CDH13: variants seen among roughly 807,000 people sequenced by gnomAD.
The protein encoded by CDH13 is cadherin-13.
In CDH13, 24 loss-of-function variants were observed where a neutral mutation model predicts 63.8. That is an observed-to-expected ratio of 0.38 (90% CI 0.27 to 0.53). The LOEUF (loss-of-function observed/expected upper bound fraction) is 0.53. Ranked by LOEUF, CDH13 falls within the 20% of genes least tolerant of loss-of-function variation. The pLI is 0.85. For missense variants in CDH13, 1,049 were observed against 903.1 expected (o/e 1.16, Z -2.07); for synonymous variants, 503 against 355.3 (o/e 1.42, Z -4.67).
intron 7 of CDH13, among the ~76,000 whole-genome samples, chr16:83,555,938 A>G (rs2075591641): frequency 2.0e-5 from 3 of 152,228 alleles, no homozygotes; most frequent in South Asian, 4.1e-4. Context: ...GTTTTGGAAT[A>G]ATGGGCTCAT....
intron 3 of CDH13, among the ~76,000 whole-genome samples, chr16:83,074,640 C>A (rs1047375959): frequency 6.6e-6 from 1 of 152,184 alleles, no homozygotes; most frequent in Non-Finnish European, 1.5e-5. Context: ...TTCCTTTTCT[C>A]CACATCCTTG....
At chr16:82,970,315 A>T (rs1328719372) in intron 2 of CDH13, among the ~76,000 whole-genome samples, 1 of 136,918 alleles carries the variant, frequency 7.3e-6, no homozygotes, top group African/African-American at 2.8e-5. Flanking sequence ...CATTTTCTTT[A>T]TCCAGTCTAT....
At chr16:83,075,945 AG>A (rs2032803595) in intron 3 of CDH13, among the ~76,000 whole-genome samples, 1 of 152,222 alleles carries the variant, frequency 6.6e-6, no homozygotes, top group Non-Finnish European at 1.5e-5. Context: ...TTTAAGTGGC[AG>A]GATCAGCTTC....
intron 2 of CDH13, among the ~76,000 whole-genome samples, chr16:82,963,473 G>A (rs992512990): frequency 1.3e-5 from 2 of 152,040 alleles, no homozygotes; most frequent in African/African-American, 2.4e-5. Flanking sequence ...TACGTCCTAT[G>A]GTTTCACCGT....
intron 1 of CDH13, among the ~76,000 whole-genome samples, chr16:82,670,571 T>C (rs533517499): frequency 6.6e-6 from 1 of 152,260 alleles, no homozygotes; most frequent in South Asian, 2.1e-4. Flanking sequence ...CTGAGGACTA[T>C]TGGGTAGAAG....
At chr16:83,675,037 T>G (rs1274054592) in intron 9 of CDH13, among the ~76,000 whole-genome samples, 1 of 152,172 alleles carries the variant, frequency 6.6e-6, no homozygotes. Flanking sequence ...AGGCTTTAAA[T>G]TTCCCAGGGC....
intron 2 of CDH13, among the ~76,000 whole-genome samples, chr16:82,883,440 A>G (rs908543554): frequency 2.6e-5 from 4 of 152,186 alleles, no homozygotes; most frequent in African/African-American, 9.7e-5. Flanking sequence ...CCCTTTGCCT[A>G]GTGGTTCACA....
intron 4 of CDH13, among the ~76,000 whole-genome samples, chr16:83,184,768 T>C (rs1170769440): frequency 6.6e-6 from 1 of 151,930 alleles, no homozygotes; most frequent in Non-Finnish European, 1.5e-5. Context: ...AAAGCAAAGA[T>C]GTGAGTCCAG....
chr16:82,774,721 A>G (rs2035417288), intron 1 of CDH13, among the ~76,000 whole-genome samples: 1 of 152,144 alleles, frequency 6.6e-6, no homozygotes, highest in Non-Finnish European at 1.5e-5. Context: ...ATCCACCAGG[A>G]TAGGTGAGGC....
intron 2 of CDH13, among the ~76,000 whole-genome samples, chr16:82,985,276 T>G (rs1241196689): frequency 6.6e-6 from 1 of 151,842 alleles, no homozygotes; most frequent in Non-Finnish European, 1.5e-5. Context: ...GGAGGGGGAG[T>G]TGAAAGGCAT....
chr16:83,299,270 C>T (rs945876997), intron 5 of CDH13, among the ~76,000 whole-genome samples: 1 of 143,186 alleles, frequency 7.0e-6, no homozygotes, highest in Non-Finnish European at 1.5e-5. Context: ...TGGATGCTTG[C>T]TTGGATTGTT....
chr16:83,547,538 C>T (rs1292133815), intron 7 of CDH13, among the ~76,000 whole-genome samples: 4 of 152,068 alleles, frequency 2.6e-5, no homozygotes, highest in African/African-American at 7.2e-5. Context: ...CACTTATAAG[C>T]GAGTACATGC....
chr16:83,542,502 T>G (rs1424898034), intron 7 of CDH13, among the ~76,000 whole-genome samples: 1 of 152,224 alleles, frequency 6.6e-6, no homozygotes, highest in African/African-American at 2.4e-5. Flanking sequence ...TGCATTCGTT[T>G]GCAACGGCTG....
At chr16:82,673,612 C>A (rs1913552720) in intron 1 of CDH13, among the ~76,000 whole-genome samples, 5 of 152,166 alleles carry the variant, frequency 3.3e-5, no homozygotes, top group Admixed American at 3.3e-4. Flanking sequence ...TGCAACAGCA[C>A]AACAAAAAGG....
intron 1 of CDH13, among the ~76,000 whole-genome samples, chr16:82,735,326 A>G (rs1224244290): frequency 2.0e-5 from 3 of 152,230 alleles, no homozygotes; most frequent in Admixed American, 2.0e-4. Context: ...TGACAGGAAT[A>G]GAAGCTGTCA....
Position 83,550,048 on chromosome 16 carries a change from T to C in CDH13, c.961-52406T>C, listed in dbSNP as rs570647313. 9.5e-4 allele frequency among the ~76,000 whole-genome samples: 144 copies of C among 152,322 alleles called. 2 individuals are homozygous for C. The highest frequency in any genetic ancestry group is 3.2e-3 in the African/African-American group (131 of 41,574). ...ACTAATTAGCAGCAGCTGCTCAAAA[T>C]TGGGGATGCTCTTGCCTTCTAGTGC... On this transcript the variant is annotated intron_variant, in intron 7 of 13. Coordinates refer to ENST00000567109, the MANE Select transcript of CDH13 (RefSeq NM_001257.5).
At chr16:83,011,947 A>C (rs1914202923) in intron 2 of CDH13, among the ~76,000 whole-genome samples, 1 of 152,176 alleles carries the variant, frequency 6.6e-6, no homozygotes, top group Non-Finnish European at 1.5e-5. Flanking sequence ...TGAAAGAGTG[A>C]GTAACGCTGC....
intron 2 of CDH13, among the ~76,000 whole-genome samples, chr16:82,993,303 T>C (rs1465298640): frequency 6.6e-6 from 1 of 152,182 alleles, no homozygotes. Context: ...CCTATACTGT[T>C]GTTCTTGATT....
chr16:83,568,656 G>C (rs908303042), intron 7 of CDH13, among the ~76,000 whole-genome samples: 2 of 152,152 alleles, frequency 1.3e-5, no homozygotes, highest in African/African-American at 4.8e-5. Context: ...GCTGGTAGAT[G>C]GGAAGGACTG....
Sources: gnomAD v4.1 joint callset for allele counts (sites outside exome capture counted in the v4.1 genomes callset) on GRCh38, gnomAD v4.1.1 for gene constraint, MANE v1.5 for transcripts, NCBI Gene and HGNC (gene_info 2026-07-23, HGNC 2026-07-21) for gene names.